The following ZMIZ2 variants were observed in gnomAD, a reference collection of about 807,000 sequenced individuals.
The protein encoded by ZMIZ2 is zinc finger MIZ domain-containing protein 2.
In ZMIZ2, 26 loss-of-function variants were observed where a neutral mutation model predicts 93.9. That is an observed-to-expected ratio of 0.28 (90% CI 0.20 to 0.38). ZMIZ2 has a LOEUF of 0.38. Among genes scored for constraint, ZMIZ2 ranks in the 10% least tolerant of loss-of-function variants. The probability of loss-of-function intolerance (pLI) is 1.00; values close to 1 mark genes in which losing one functional copy is unlikely to be tolerated. For missense variants in ZMIZ2, 1,023 were observed against 1,235.0 expected (o/e 0.83, Z 2.57); for synonymous variants, 485 against 516.4 (o/e 0.94, Z 0.82).
At chr7:44,759,741 CA>C (rs1790977141) in intron 7 of ZMIZ2, 1 of 472,982 alleles carries the variant, frequency 2.1e-6, no homozygotes, top group African/African-American at 2.0e-5. Flanking sequence ...GTGCAGGGAG[CA>C]GCAGGTGGGT....
At chr7:44,764,144 A>G (rs1403336248) in intron 13 of ZMIZ2, among the ~76,000 whole-genome samples, 1 of 152,150 alleles carries the variant, frequency 6.6e-6, no homozygotes, top group Non-Finnish European at 1.5e-5. Context: ...GTCTCGAAAC[A>G]AAACAAAAAT....
Position 44,763,992 on chromosome 7 carries a change from C to T in ZMIZ2, c.1861-427C>T, listed in dbSNP as rs1056772359. ...TCTCTACTAAAATTACAAAAATTAG[C>T]TGGGGCATGGTGGTGTGTGCCTGTA... On this transcript the variant is annotated intron_variant, in intron 13 of 18. Coordinates refer to ENST00000309315, the MANE Select transcript of ZMIZ2 (RefSeq NM_031449.4). The surrounding 1 kb of genome is among the most constrained non-coding windows in gnomAD (Gnocchi z 5.6). 1.3e-5 allele frequency among the ~76,000 whole-genome samples: 2 copies of T among 152,110 alleles called. No homozygotes were observed. The highest frequency in any genetic ancestry group is 2.4e-5 in the African/African-American group (1 of 41,408).
rs192211185 is a variant in ZMIZ2, at chr7:44,768,633, G to C, written c.*1010G>C. The stretch of plus-strand genomic sequence containing the variant: ...GGGCCCCAGCCTGTGCGAGCAGGGC[G>C]CCTGGGCTGTTGTGTCTCCTGTCTG... On this transcript the variant is annotated 3_prime_UTR_variant, in exon 19 of 19. Coordinates refer to ENST00000309315, the MANE Select transcript of ZMIZ2 (RefSeq NM_031449.4). 1 of 152,278 alleles carries C rather than the reference G, an allele frequency of 6.6e-6. No homozygotes were observed. Among genetic ancestry groups the C allele is most frequent in the Non-Finnish European group, 1.5e-5 (1 of 68,124 alleles). 9.4% of individuals were successfully genotyped at this position (152,278 alleles called of 1,614,324 possible). A position where few individuals can be genotyped will look rare whatever the true frequency, so the allele number is the denominator to read the frequency against.
intron 14 of ZMIZ2, among the ~76,000 whole-genome samples, chr7:44,764,710 C>A (rs1353901061): frequency 1.3e-5 from 2 of 152,224 alleles, no homozygotes; most frequent in Non-Finnish European, 2.9e-5. Context: ...AGGGTCACCA[C>A]ATGCACAGGA....
In ZMIZ2 at chr7:44,762,305, C is replaced by T. The variant is rs765291360; in HGVS notation, c.1596+400C>T. 1.8e-4 allele frequency among the ~76,000 whole-genome samples: 28 copies of T among 152,318 alleles called. No individual in the cohort carries two copies. The South Asian group carries it at 1.9e-3, about 10-fold the overall frequency. On this transcript the variant is annotated intron_variant, in intron 11 of 18. Transcript: ENST00000309315. ...GTAAATTGACTAGATTTGATGCTCACATTAATTATGTAAGAGAAACCAGGA... is the reference window on the plus strand; with the variant it reads ...GTAAATTGACTAGATTTGATGCTCATATTAATTATGTAAGAGAAACCAGGA...
chr7:44,759,529 G>A (rs1790952055), intron 7 of ZMIZ2, 69 bp downstream of exon 7: 1 of 1,314,574 alleles, frequency 7.6e-7, no homozygotes. Flanking sequence ...GGACCTTGGG[G>A]CAGTCCTGTC....
In ZMIZ2 at chr7:44,761,001, C is replaced by T. The variant is rs1791120894; in HGVS notation, c.1240+408C>T. Among the ~76,000 whole-genome samples, 1 of 152,156 alleles carries T rather than the reference C, an allele frequency of 6.6e-6. No homozygotes were observed. Among genetic ancestry groups the T allele is most frequent in the Non-Finnish European group, 1.5e-5 (1 of 68,036 alleles). On this transcript the variant is annotated intron_variant, in intron 9 of 18. Transcript: ENST00000309315. This position sits in a 1 kb window ranked among gnomAD's most constrained non-coding sequence, Gnocchi z 5.8. ...GTGCACAAAATGTTGTATATAATTT[C>T]AGGGGATTTATGAACCCCGGAAGCC...
At chr7:44,751,497 G>C (rs546315437) in intron 1 of ZMIZ2, among the ~76,000 whole-genome samples, 2 of 152,192 alleles carry the variant, frequency 1.3e-5, no homozygotes, top group Non-Finnish European at 2.9e-5. Context: ...GACCACGGGC[G>C]GGGGAGGGGG....
At chr7:44,755,279 A>G (rs1426176831) in intron 1 of ZMIZ2, among the ~76,000 whole-genome samples, 1 of 152,078 alleles carries the variant, frequency 6.6e-6, no homozygotes, top group Non-Finnish European at 1.5e-5. Flanking sequence ...TCTTAGAAAC[A>G]CTGGCCAAGT....
chr7:44,760,088 G>C, intron 7 of ZMIZ2, 63 bp from the exon 8 acceptor site: 1 of 1,594,414 alleles, frequency 6.3e-7, no homozygotes, highest in East Asian at 2.2e-5. Flanking sequence ...CTAGGGTCAG[G>C]TCCAGGGGGC....
At position 44,767,911 on chromosome 7, in the gene ZMIZ2, C is replaced by G. The variant is rs1008444878; in HGVS notation, c.*288C>G. On this transcript the variant is annotated 3_prime_UTR_variant, in exon 19 of 19. Coordinates refer to ENST00000309315, the MANE Select transcript of ZMIZ2 (RefSeq NM_031449.4). ...CCTGCCCAGCCCTGTCCAGCCTTGT[C>G]CACACACACATCTCACGCCCCTGGT... The G allele has an allele frequency of 1.6e-5, 8 of 501,470 alleles. No individual in the cohort carries two copies. Among genetic ancestry groups the G allele is most frequent in the African/African-American group, 1.4e-4 (7 of 51,552 alleles). The allele number at this position is 501,470 out of a possible 1,614,324, so 31.1% of individuals were successfully genotyped here.
chr7:44,755,769 C>G (rs2116684228), intron 1 of ZMIZ2, among the ~76,000 whole-genome samples: 1 of 152,276 alleles, frequency 6.6e-6, no homozygotes, highest in East Asian at 1.9e-4. Flanking sequence ...GTCCTTCACC[C>G]CAGGGCCTTC....
chr7:44,763,765 A>G lies in ZMIZ2; in HGVS notation c.1860+352A>G. On this transcript the variant is annotated intron_variant, in intron 13 of 18. Coordinates refer to ENST00000309315, the MANE Select transcript of ZMIZ2 (RefSeq NM_031449.4). The surrounding 1 kb of genome is among the most constrained non-coding windows in gnomAD (Gnocchi z 5.6). ...AAATACTCTGGGTATGAACAAGTAG[A>G]TGCACAGCCCACTGTCTCTGTGGTT... The G allele has an allele frequency of 3.9e-6, 1 of 256,358 alleles. No homozygotes were observed. The highest frequency in any genetic ancestry group is 6.2e-5 in the South Asian group (1 of 16,212). The allele number at this position is 256,358 out of a possible 1,614,324, so 15.9% of individuals were successfully genotyped here.
chr7:44,759,926 AGAG>A (rs1207337819), intron 7 of ZMIZ2: 5 of 565,508 alleles, frequency 8.8e-6, no homozygotes, highest in South Asian at 4.2e-5. Flanking sequence ...TTGGGGGAGG[AGAG>A]GAGGAGGGCT....
At position 44,765,842 on chromosome 7, in the gene ZMIZ2, C is replaced by A; in HGVS notation, c.2242+263C>A. 8.8e-7 allele frequency: 1 copy of A among 1,132,012 alleles called. No homozygotes were observed. Among genetic ancestry groups the A allele is most frequent in the African/African-American group, 1.6e-5 (1 of 63,708 alleles). The allele number at this position is 1,132,012 out of a possible 1,614,324, so 70.1% of individuals were successfully genotyped here. ...CCTTCCCCGTTTGGATTAAGGGGCTCCTGGCTGGAACACCTCACAGGACTG... is the reference window on the plus strand; with the variant it reads ...CCTTCCCCGTTTGGATTAAGGGGCTACTGGCTGGAACACCTCACAGGACTG... On this transcript the variant is annotated intron_variant, in intron 16 of 18. Transcript: ENST00000309315. The surrounding 1 kb of genome is among the most constrained non-coding windows in gnomAD (Gnocchi z 4.1).
rs1019382303 is a variant in ZMIZ2 at position 44,768,465 on chromosome 7, T to A, written c.*842T>A. 1 of 152,308 alleles carries A rather than the reference T, an allele frequency of 6.6e-6. No individual in the cohort carries two copies. The highest frequency in any genetic ancestry group is 1.5e-5 in the Non-Finnish European group (1 of 68,104). 9.4% of individuals were successfully genotyped at this position (152,308 alleles called of 1,614,324 possible). On this transcript the variant is annotated 3_prime_UTR_variant, in exon 19 of 19. Coordinates refer to ENST00000309315, the MANE Select transcript of ZMIZ2 (RefSeq NM_031449.4). ...GATTCAGCTCTGTGTAAAGATTCTC[T>A]AGCGGGCTGCGCTCCCAAGTTCCCC...
rs1262430699 is a variant in ZMIZ2, at chr7:44,769,440, A to G, written c.*1817A>G. On this transcript the variant is annotated 3_prime_UTR_variant, in exon 19 of 19. Transcript: ENST00000309315. ...GGTGGGCTTCCTTATTCCCTGACAA[A>G]GCCTCTGTTTCCAGCTCTTCCGCCC... 6.5e-6 allele frequency: 1 copy of G among 152,744 alleles called. No individual in the cohort carries two copies. Among genetic ancestry groups the G allele is most frequent in the Non-Finnish European group, 1.5e-5 (1 of 68,120 alleles). 9.5% of individuals were successfully genotyped at this position (152,744 alleles called of 1,614,324 possible).
Position 44,765,204 on chromosome 7 carries a change from G to A in ZMIZ2, c.1998-131G>A. ...TGGGCCCAGCGTCCTGCTCGATGTGGAAGGTGCTGGGTGGAAGCAAGCATT... is the reference window on the plus strand; with the variant it reads ...TGGGCCCAGCGTCCTGCTCGATGTGAAAGGTGCTGGGTGGAAGCAAGCATT... On this transcript the variant is annotated intron_variant, in intron 15 of 18. Transcript: ENST00000309315. The surrounding 1 kb of genome is among the most constrained non-coding windows in gnomAD (Gnocchi z 4.1). The A allele has an allele frequency of 2.0e-6, 3 of 1,522,390 alleles. No individual in the cohort carries two copies. Among genetic ancestry groups the A allele is most frequent in the Non-Finnish European group, 2.7e-6 (3 of 1,126,502 alleles). 94.3% of individuals were successfully genotyped at this position (1,522,390 alleles called of 1,614,324 possible).
chr7:44,761,076 C>G lies in ZMIZ2; in HGVS notation c.1241-373C>G, dbSNP rs1791128523. On this transcript the variant is annotated intron_variant, in intron 9 of 18. Transcript: ENST00000309315. The surrounding 1 kb of genome is among the most constrained non-coding windows in gnomAD (Gnocchi z 5.8). ...GAAGTTGGGATCGTAGAACTCTAAA[C>G]AGAGCTATAGGGCAATTGCAGGAGG... Among the ~76,000 whole-genome samples, 1 of 152,196 alleles carries G rather than the reference C, an allele frequency of 6.6e-6. No individual in the cohort carries two copies. The highest frequency in any genetic ancestry group is 1.5e-5 in the Non-Finnish European group (1 of 68,032).
Sources: allele counts gnomAD v4.1 joint callset (sites outside exome capture counted in the v4.1 genomes callset), GRCh38; gene constraint gnomAD v4.1.1; non-coding constraint Gnocchi (gnomAD v3.1); transcripts MANE v1.5; gene names NCBI Gene and HGNC (gene_info 2026-07-23, HGNC 2026-07-21).